The following KPNA6 variants were observed in gnomAD, a reference collection of about 807,000 sequenced individuals.
The protein encoded by KPNA6 is importin subunit alpha-7.
A neutral mutation model predicts 72.0 loss-of-function variants in KPNA6; 9 were observed. That is an observed-to-expected ratio of 0.13 (90% CI 0.08 to 0.22). KPNA6 has a LOEUF of 0.22. KPNA6 is among the 10% of genes least tolerant of loss of function. The probability of loss-of-function intolerance (pLI) is 1.00; values close to 1 mark genes in which losing one functional copy is unlikely to be tolerated. For missense variants in KPNA6, 374 were observed against 655.7 expected (o/e 0.57, Z 4.69); for synonymous variants, 219 against 242.1 (o/e 0.90, Z 0.89).
At chr1:32,109,421 C>T (rs906273424) in intron 1 of KPNA6, among the ~76,000 whole-genome samples, 4 of 152,052 alleles carry the variant, frequency 2.6e-5, no homozygotes, top group Admixed American at 1.3e-4. Context: ...ATTCGCCTGC[C>T]TCGGCCTCCC....
intron 12 of KPNA6, among the ~76,000 whole-genome samples, chr1:32,168,081 T>A (rs1304238733): frequency 6.6e-6 from 1 of 152,070 alleles, no homozygotes; most frequent in Non-Finnish European, 1.5e-5. Flanking sequence ...AGCAGGAGGA[T>A]CACCTGAGCC....
At chr1:32,134,977 C>T (rs1321029997) in intron 1 of KPNA6, among the ~76,000 whole-genome samples, 9 of 151,370 alleles carry the variant, frequency 5.9e-5, no homozygotes, top group Admixed American at 5.9e-4. Context: ...ACAATCTCAG[C>T]TCACCACAAC....
At chr1:32,130,659 G>A (rs1423130682) in intron 1 of KPNA6, among the ~76,000 whole-genome samples, 1 of 151,756 alleles carries the variant, frequency 6.6e-6, no homozygotes, top group Non-Finnish European at 1.5e-5. Flanking sequence ...GGTGGTGCAT[G>A]CCTGTAGTCC....
rs1446624746 is a variant in KPNA6 at position 32,174,282 on chromosome 1, C to T, written c.*3388C>T. On this transcript the variant is annotated 3_prime_UTR_variant, in exon 14 of 14. Transcript: ENST00000373625. ...GCCATGAAAGCCATCTTCCAGGAGCCCTGTTTTTTGGAGCTGAACTGCACA... is the reference window on the plus strand; with the variant it reads ...GCCATGAAAGCCATCTTCCAGGAGCTCTGTTTTTTGGAGCTGAACTGCACA... 2 of 152,300 alleles carry T rather than the reference C, an allele frequency of 1.3e-5. No individual in the cohort carries two copies. The highest frequency in any genetic ancestry group is 4.8e-5 in the African/African-American group (2 of 41,410). The allele number at this position is 152,300 out of a possible 1,614,324, so 9.4% of individuals were successfully genotyped here.
At chr1:32,127,821 T>A (rs1049190039) in intron 1 of KPNA6, among the ~76,000 whole-genome samples, 9 of 152,220 alleles carry the variant, frequency 5.9e-5, no homozygotes, top group Non-Finnish European at 1.3e-4. Flanking sequence ...GTTCTCACTC[T>A]CACTCTCTGA....
At chr1:32,119,302 A>G (rs980185194) in intron 1 of KPNA6, among the ~76,000 whole-genome samples, 1 of 151,852 alleles carries the variant, frequency 6.6e-6, no homozygotes, top group African/African-American at 2.4e-5. Flanking sequence ...AAGTGCTGGG[A>G]TTACAGGCTT....
At chr1:32,155,441 C>G (rs150127316) in intron 2 of KPNA6, among the ~76,000 whole-genome samples, 1 of 150,612 alleles carries the variant, frequency 6.6e-6, no homozygotes, top group East Asian at 2.0e-4. Flanking sequence ...CCTGCCTTAG[C>G]CTCCCGAGTA....
chr1:32,109,633 G>A (rs1055295152), intron 1 of KPNA6, among the ~76,000 whole-genome samples: 1 of 149,734 alleles, frequency 6.7e-6, no homozygotes, highest in African/African-American at 2.5e-5. Context: ...TTGCATGTGG[G>A]CCCATTATGA....
At chr1:32,133,133 C>T (rs532404790) in intron 1 of KPNA6, among the ~76,000 whole-genome samples, 1 of 151,818 alleles carries the variant, frequency 6.6e-6, no homozygotes, top group African/African-American at 2.4e-5. Context: ...CACTTGAGCC[C>T]AGGAATTTGA....
intron 1 of KPNA6, among the ~76,000 whole-genome samples, chr1:32,124,892 T>G (rs1641506337): frequency 6.6e-6 from 1 of 152,170 alleles, no homozygotes; most frequent in Non-Finnish European, 1.5e-5. Context: ...TCGCCCAGGC[T>G]GCAGTATAGT....
chr1:32,176,167 T>C lies in KPNA6; in HGVS notation c.*5273T>C, dbSNP rs998478746. ...GGGTGTCGGCTTTTTTAGCCAGCTT[T>C]TGTGGGAATTGCCTTTGACCTATTA... On this transcript the variant is annotated 3_prime_UTR_variant, in exon 14 of 14. Coordinates refer to ENST00000373625, the MANE Select transcript of KPNA6 (RefSeq NM_012316.5). 3 of 152,078 alleles carry C rather than the reference T, an allele frequency of 2.0e-5. No individual in the cohort carries two copies. The highest frequency in any genetic ancestry group is 4.8e-5 in the African/African-American group (2 of 41,400). 9.4% of individuals were successfully genotyped at this position (152,078 alleles called of 1,614,324 possible). A position where few individuals can be genotyped will look rare whatever the true frequency, so the allele number is the denominator to read the frequency against.
chr1:32,167,861 A>AC (rs1185423187), intron 12 of KPNA6, among the ~76,000 whole-genome samples: 1 of 148,456 alleles, frequency 6.7e-6, no homozygotes, highest in Non-Finnish European at 1.5e-5. Context: ...CACAAAAAAA[A>AC]AAAAAAACAA....
rs185067690 is a variant in KPNA6, at chr1:32,120,982, C to A, written c.4+12848C>A. Among the ~76,000 whole-genome samples the A allele has an allele frequency of 6.8e-3, 1,028 of 151,514 alleles. 11 individuals carry two copies. Among genetic ancestry groups the A allele is most frequent in the African/African-American group, 0.024 (992 of 41,252 alleles). Reference sequence around the variant, plus strand: ...CTCCTGAGTTCAAGCGTTCAAGCGACTCTCCTGCCTCAGCCTCCTGAGTAA... The same window carrying A: ...CTCCTGAGTTCAAGCGTTCAAGCGAATCTCCTGCCTCAGCCTCCTGAGTAA... On this transcript the variant is annotated intron_variant, in intron 1 of 13. Transcript: ENST00000373625.
intron 1 of KPNA6, among the ~76,000 whole-genome samples, chr1:32,129,811 C>T (rs1008164311): frequency 7.2e-5 from 11 of 152,120 alleles, no homozygotes; most frequent in African/African-American, 2.7e-4. Context: ...CTGGATCATA[C>T]CTCAATTGAG....
intron 6 of KPNA6, among the ~76,000 whole-genome samples, chr1:32,160,062 G>A (rs1235292447): frequency 2.0e-5 from 3 of 152,206 alleles, no homozygotes; most frequent in African/African-American, 7.2e-5. Flanking sequence ...ACTTTGGGAG[G>A]CCGAGGTGGG....
intron 1 of KPNA6, among the ~76,000 whole-genome samples, chr1:32,145,016 G>A (rs1200809536): frequency 2.7e-5 from 4 of 147,596 alleles, no homozygotes; most frequent in African/African-American, 7.6e-5. Flanking sequence ...GCAGTGGCGC[G>A]ATCTCGGCTC....
chr1:32,142,835 C>A, intron 1 of KPNA6: 1 of 688,196 alleles, frequency 1.5e-6, no homozygotes, highest in Non-Finnish European at 2.1e-6. Flanking sequence ...GATGTTCCTC[C>A]TTCCAATCTA....
At position 32,156,756 on chromosome 1, in the gene KPNA6, G is replaced by C. The variant is rs1642151102; in HGVS notation, c.139-97G>C. On this transcript the variant is annotated intron_variant, in intron 2 of 13. Coordinates refer to ENST00000373625, the MANE Select transcript of KPNA6 (RefSeq NM_012316.5). ...TTGGCCTCACTTCTCAGCTACTCTA[G>C]TATATCCTTGTCAGTTATGCCATAA... 2.0e-5 allele frequency: 18 copies of C among 904,098 alleles called. No individual in the cohort carries two copies. In the South Asian group the frequency reaches 2.4e-4, roughly 12 times the overall value. The allele number at this position is 904,098 out of a possible 1,614,324, so 56.0% of individuals were successfully genotyped here. A position where few individuals can be genotyped will look rare whatever the true frequency, so the allele number is the denominator to read the frequency against.
chr1:32,165,427 G>T (rs771556535), intron 10 of KPNA6, among the ~76,000 whole-genome samples: 5 of 151,950 alleles, frequency 3.3e-5, no homozygotes, highest in Non-Finnish European at 7.4e-5. Context: ...AGTGGCTCAT[G>T]CCTGTAATTC....
Sources: gnomAD v4.1 joint callset for allele counts (sites outside exome capture counted in the v4.1 genomes callset) on GRCh38, gnomAD v4.1.1 for gene constraint, MANE v1.5 for transcripts, NCBI Gene and HGNC (gene_info 2026-07-23, HGNC 2026-07-21) for gene names.